Variants in LRRTM4 observed in about 807,000 individuals in gnomAD.
LRRTM4 encodes leucine-rich repeat transmembrane neuronal protein 4.
In LRRTM4, 25 loss-of-function variants were observed where a neutral mutation model predicts 47.6. The observed-to-expected ratio is 0.53, with a 90% CI of 0.38 to 0.73. LRRTM4 has a LOEUF of 0.73. Among genes scored for constraint, LRRTM4 ranks in the 30% least tolerant of loss-of-function variants. The probability of loss-of-function intolerance (pLI) is 0.00; values close to 1 mark genes in which losing one functional copy is unlikely to be tolerated. For missense variants in LRRTM4, 638 were observed against 713.4 expected, an observed-to-expected ratio of 0.89 and a Z score of 1.20; for synonymous variants, 311 against 269.5, an observed-to-expected ratio of 1.15 and a Z score of -1.51.
intron 3 of LRRTM4, among the ~76,000 whole-genome samples, chr2:77,088,269 T>C (rs1680794145): frequency 6.6e-6 from 1 of 152,188 alleles, no homozygotes; most frequent in Non-Finnish European, 1.5e-5. Context: ...CCCCTGTGAC[T>C]TGCACGTATA....
At chr2:77,271,263 C>A (rs1047649119) in intron 3 of LRRTM4, among the ~76,000 whole-genome samples, 1 of 152,170 alleles carries the variant, frequency 6.6e-6, no homozygotes, top group African/African-American at 2.4e-5. Flanking sequence ...TCCTCACTGG[C>A]AGAGGGCAGC....
At chr2:77,193,575 C>T (rs189429225) in intron 3 of LRRTM4, among the ~76,000 whole-genome samples, 3 of 151,500 alleles carry the variant, frequency 2.0e-5, no homozygotes, top group Admixed American at 2.0e-4. Context: ...TTTGGGAAGC[C>T]GAGGCGGGCA....
At chr2:77,355,252 A>ATAACAAT (rs1472781794) in intron 3 of LRRTM4, among the ~76,000 whole-genome samples, 1 of 152,180 alleles carries the variant, frequency 6.6e-6, no homozygotes, top group African/African-American at 2.4e-5. Flanking sequence ...TCATATCAAA[A>ATAACAAT]TAACAATTGA....
chr2:77,164,862 A>G (rs898425844), intron 3 of LRRTM4, among the ~76,000 whole-genome samples: 2 of 152,070 alleles, frequency 1.3e-5, no homozygotes, highest in African/African-American at 2.4e-5. Flanking sequence ...GAGAAAGCAG[A>G]AAAGATCTAA....
At chr2:77,320,990 C>T (rs970817888) in intron 3 of LRRTM4, among the ~76,000 whole-genome samples, 2 of 151,828 alleles carry the variant, frequency 1.3e-5, no homozygotes, top group East Asian at 1.9e-4. Context: ...TGCAAGTACA[C>T]ATGTTAATAA....
chr2:77,497,615 A>G (rs905455023), intron 3 of LRRTM4, among the ~76,000 whole-genome samples: 4 of 151,338 alleles, frequency 2.6e-5, no homozygotes, highest in Non-Finnish European at 5.9e-5. Context: ...TACTATGTAC[A>G]TATATGTATG....
intron 3 of LRRTM4, among the ~76,000 whole-genome samples, chr2:77,046,894 T>A (rs1679253582): frequency 6.6e-6 from 1 of 151,962 alleles, no homozygotes; most frequent in African/African-American, 2.4e-5. Flanking sequence ...TTTGGCTGGA[T>A]AAAAGAAAGG....
At chr2:77,212,739 C>T (rs1040158646) in intron 3 of LRRTM4, among the ~76,000 whole-genome samples, 8 of 152,012 alleles carry the variant, frequency 5.3e-5, no homozygotes, top group East Asian at 1.9e-4. Flanking sequence ...CTGTGTCTGA[C>T]GCAAAACCTC....
chr2:77,192,884 G>A (rs184403936), intron 3 of LRRTM4, among the ~76,000 whole-genome samples: 1 of 152,226 alleles, frequency 6.6e-6, no homozygotes, highest in East Asian at 1.9e-4. Flanking sequence ...CAAACTATAA[G>A]CCGTGCATGG....
chr2:76,936,954 C>CA (rs56140303), intron 3 of LRRTM4, among the ~76,000 whole-genome samples: 966 of 22,674 alleles, frequency 0.043, 227 homozygotes, highest in East Asian at 0.072. Context: ...GACTCCATCT[C>CA]AAAAAAAAAA....
At chr2:76,966,015 G>A (rs1676011859) in intron 3 of LRRTM4, among the ~76,000 whole-genome samples, 1 of 151,402 alleles carries the variant, frequency 6.6e-6, no homozygotes, top group Admixed American at 6.6e-5. Context: ...TACTCTGGTG[G>A]CAAGAGTTGG....
At chr2:77,079,104 T>G (rs1412682218) in intron 3 of LRRTM4, among the ~76,000 whole-genome samples, 1 of 152,222 alleles carries the variant, frequency 6.6e-6, no homozygotes, top group African/African-American at 2.4e-5. Flanking sequence ...AACATATGAA[T>G]TTTGGGGGAT....
intron 3 of LRRTM4, among the ~76,000 whole-genome samples, chr2:76,791,576 C>T (rs1442374967): frequency 6.6e-6 from 1 of 152,112 alleles, no homozygotes; most frequent in Non-Finnish European, 1.5e-5. Flanking sequence ...AAATCTCATC[C>T]TACTCCATTT....
chr2:77,409,176 A>C (rs1397026935), intron 3 of LRRTM4, among the ~76,000 whole-genome samples: 2 of 152,042 alleles, frequency 1.3e-5, no homozygotes, highest in African/African-American at 4.8e-5. Flanking sequence ...TAATATGTGT[A>C]AGAGTGTCTG....
chr2:76,917,126 T>C (rs1183247664), intron 3 of LRRTM4, among the ~76,000 whole-genome samples: 12 of 152,308 alleles, frequency 7.9e-5, no homozygotes, highest in Non-Finnish European at 2.9e-5. Flanking sequence ...TTGTGAATTG[T>C]ATAGTCTTTG....
intron 3 of LRRTM4, among the ~76,000 whole-genome samples, chr2:77,435,536 C>G (rs967382256): frequency 6.6e-6 from 1 of 151,892 alleles, no homozygotes; most frequent in Admixed American, 6.6e-5. Flanking sequence ...AAAATAAACC[C>G]AACATTTGTT....
chr2:77,342,552 T>G (rs534104802), intron 3 of LRRTM4, among the ~76,000 whole-genome samples: 1 of 152,088 alleles, frequency 6.6e-6, no homozygotes, highest in East Asian at 1.9e-4. Flanking sequence ...AACAAATTTT[T>G]TAATATCTAG....
chr2:77,052,971 G>C (rs1679489457), intron 3 of LRRTM4, among the ~76,000 whole-genome samples: 1 of 151,222 alleles, frequency 6.6e-6, no homozygotes, highest in African/African-American at 2.5e-5. Flanking sequence ...AGGAATCCTA[G>C]GAGAAAGGCT....
intron 3 of LRRTM4, among the ~76,000 whole-genome samples, chr2:77,084,153 C>T (rs1680631072): frequency 6.6e-6 from 1 of 151,990 alleles, no homozygotes; most frequent in African/African-American, 2.4e-5. Flanking sequence ...AAGGTCTCAC[C>T]GATAATATAT....
Sources: gnomAD v4.1 joint callset for allele counts (sites outside exome capture counted in the v4.1 genomes callset) on GRCh38, gnomAD v4.1.1 for gene constraint, MANE v1.5 for transcripts, NCBI Gene and HGNC (gene_info 2026-07-23, HGNC 2026-07-21) for gene names.